The following ABHD2 variants were observed in gnomAD, a reference collection of about 807,000 sequenced individuals.
ABHD2 encodes the protein monoacylglycerol lipase ABHD2.
ABHD2 carries 20 observed loss-of-function variants against 48.1 expected under a neutral mutation model. The ratio of observed to expected loss-of-function variants is 0.42; its 90% CI spans 0.29 to 0.60. ABHD2 has a LOEUF of 0.60. ABHD2 is among the 20% of genes least tolerant of loss of function. The pLI is 0.24. For synonymous variants in ABHD2, 209 were observed against 214.2 expected (o/e 0.98, Z 0.21); for missense variants, 405 against 550.9 (o/e 0.74, Z 2.65).
the ABHD2 span, among the ~76,000 whole-genome samples, chr15:89,051,823 C>T: frequency 1.8e-4 from 27 of 152,260 alleles, no homozygotes; most frequent in East Asian, 1.5e-3. Flanking sequence ...ATAAATTACC[C>T]AGTCTCAGGT....
chr15:89,117,713 G>T (rs1471496030), intron 3 of ABHD2, among the ~76,000 whole-genome samples: 1 of 152,214 alleles, frequency 6.6e-6, no homozygotes, highest in African/African-American at 2.4e-5. Flanking sequence ...CCTGCATCCT[G>T]ATAGCACCTC....
chr15:89,096,682 T>C (rs768277681), intron 1 of ABHD2, among the ~76,000 whole-genome samples: 1 of 152,218 alleles, frequency 6.6e-6, no homozygotes, highest in Non-Finnish European at 1.5e-5. Context: ...GTTCGGACCC[T>C]GAAAGTGATA....
rs2049691964 is a variant in ABHD2 at position 89,100,934 on chromosome 15, G to A, written c.-107+12371G>A. Among the ~76,000 whole-genome samples the A allele has an allele frequency of 6.6e-6, 1 of 152,120 alleles. No individual in the cohort carries two copies. Among genetic ancestry groups the A allele is most frequent in the Non-Finnish European group, 1.5e-5 (1 of 68,026 alleles). The stretch of plus-strand genomic sequence containing the variant: ...AATCTAGGTTAAACTACAGTTAATG[G>A]TATTGAGTTTTATATTTTCTGGACC... On this transcript the variant is annotated intron_variant, in intron 1 of 10. Coordinates refer to ENST00000352732, the MANE Select transcript of ABHD2 (RefSeq NM_152924.5). This position sits in a 1 kb window ranked among gnomAD's most constrained non-coding sequence, Gnocchi z 4.4.
rs971081878 is a variant in ABHD2 at position 89,201,437 on chromosome 15, A to T, written c.*6014A>T. ...ATTTTCATTGGGGATCTCCATTTGG[A>T]ATCCATTAATTCATGAGGTTTTGCC... is the stretch of plus-strand genomic sequence containing the variant. On this transcript the variant is annotated 3_prime_UTR_variant, in exon 11 of 11. Transcript: ENST00000352732. 2 of 1,324,448 alleles carry T rather than the reference A, an allele frequency of 1.5e-6. No homozygotes were observed. Among genetic ancestry groups the T allele is most frequent in the Non-Finnish European group, 2.1e-6 (2 of 930,264 alleles). The allele number at this position is 1,324,448 out of a possible 1,614,324, so 82.0% of individuals were successfully genotyped here.
intron 1 of ABHD2, among the ~76,000 whole-genome samples, chr15:89,089,792 G>A (rs954159077): frequency 6.6e-6 from 1 of 152,264 alleles, no homozygotes. Flanking sequence ...TCAGGAGGCA[G>A]AGAAAGAATC....
Position 89,188,106 on chromosome 15 carries a change from C to T in ABHD2, c.816-87C>T. 1 of 1,172,212 alleles carries T rather than the reference C, an allele frequency of 8.5e-7. No homozygotes were observed. The highest frequency in any genetic ancestry group is 1.8e-5 in the Admixed American group (1 of 54,784). 72.6% of individuals were successfully genotyped at this position (1,172,212 alleles called of 1,614,324 possible). A position where few individuals can be genotyped will look rare whatever the true frequency, so the allele number is the denominator to read the frequency against. ...TAACTGACCACGTTGGCTCTCCCTC[C>T]TGGCTTGCTGTGGCAAGGAAGCAGG... On this transcript the variant is annotated intron_variant, in intron 7 of 10. Coordinates refer to ENST00000352732, the MANE Select transcript of ABHD2 (RefSeq NM_152924.5). This position sits in a 1 kb window ranked among gnomAD's most constrained non-coding sequence, Gnocchi z 4.1.
the ABHD2 span, among the ~76,000 whole-genome samples, chr15:89,050,480 T>G: frequency 1.3e-5 from 2 of 152,230 alleles, no homozygotes; most frequent in Non-Finnish European, 2.9e-5. Flanking sequence ...CCCCCCAGTT[T>G]AGCAGACTAG....
At chr15:89,064,302 C>G in the ABHD2 span, among the ~76,000 whole-genome samples, 30 of 149,590 alleles carry the variant, frequency 2.0e-4, no homozygotes, top group South Asian at 5.3e-3. Flanking sequence ...TCACTGCAAC[C>G]TCTGCCTCCC....
In ABHD2 at chr15:89,114,729, C is replaced by G. The variant is rs538906682; in HGVS notation, c.-7+905C>G. Reference sequence around the variant, plus strand: ...GAACTCCTGAGCTCAAGTGATCCACCCACTTTGGCCTCCCAAAGTGCATGA... The same window carrying G: ...GAACTCCTGAGCTCAAGTGATCCACGCACTTTGGCCTCCCAAAGTGCATGA... On this transcript the variant is annotated intron_variant, in intron 2 of 10. Transcript: ENST00000352732. This position sits in a 1 kb window ranked among gnomAD's most constrained non-coding sequence, Gnocchi z 4.2. Among the ~76,000 whole-genome samples the G allele has an allele frequency of 2.4e-4, 36 of 152,246 alleles. No individual in the cohort carries two copies. Among genetic ancestry groups the G allele is most frequent in the Non-Finnish European group, 3.4e-4 (23 of 68,024 alleles).
At chr15:89,078,514 T>C in the ABHD2 span, among the ~76,000 whole-genome samples, 4 of 152,216 alleles carry the variant, frequency 2.6e-5, no homozygotes, top group Non-Finnish European at 5.9e-5. Context: ...CAAATGGCGC[T>C]ATTATGAACG....
the ABHD2 span, among the ~76,000 whole-genome samples, chr15:89,070,718 G>C: frequency 6.6e-6 from 1 of 152,100 alleles, no homozygotes; most frequent in Non-Finnish European, 1.5e-5. Context: ...TGAGGGAGTG[G>C]GCAAGCCTCT....
intron 3 of ABHD2, among the ~76,000 whole-genome samples, chr15:89,148,575 G>C (rs886392874): frequency 6.6e-6 from 1 of 152,228 alleles, no homozygotes. Flanking sequence ...ATACCTCTCA[G>C]TTCCATCACA....
At chr15:89,157,658 A>G (rs959984234) in intron 5 of ABHD2, among the ~76,000 whole-genome samples, 6 of 152,140 alleles carry the variant, frequency 3.9e-5, no homozygotes, top group African/African-American at 7.2e-5. Flanking sequence ...CCTGGCTAAC[A>G]TGGTGAAACC....
chr15:89,184,637 T>G lies in ABHD2; in HGVS notation c.723-787T>G, dbSNP rs2051174815. Among the ~76,000 whole-genome samples the G allele has an allele frequency of 1.3e-5, 2 of 152,174 alleles. No homozygotes were observed. The highest frequency in any genetic ancestry group is 4.8e-5 in the African/African-American group (2 of 41,450). On this transcript the variant is annotated intron_variant, in intron 6 of 10. Coordinates refer to ENST00000352732, the MANE Select transcript of ABHD2 (RefSeq NM_152924.5). This position sits in a 1 kb window ranked among gnomAD's most constrained non-coding sequence, Gnocchi z 5.1. ...ATGGACATCTGGCTGGGGAAGCACA[T>G]GGCCAGGGCTGGTGGTGCTGTCTCC...
chr15:89,107,913 T>C (rs2049812362), intron 1 of ABHD2, among the ~76,000 whole-genome samples: 2 of 152,180 alleles, frequency 1.3e-5, no homozygotes, highest in Non-Finnish European at 2.9e-5. Context: ...TCTCTCACTT[T>C]GCTGATAGCT....
the ABHD2 span, among the ~76,000 whole-genome samples, chr15:89,080,979 C>T: frequency 4.4e-5 from 6 of 136,018 alleles, no homozygotes; most frequent in Non-Finnish European, 9.2e-5. Flanking sequence ...CAGCATGTGT[C>T]AGAATTGTCA....
intron 3 of ABHD2, among the ~76,000 whole-genome samples, chr15:89,117,551 C>G (rs1178594358): frequency 3.3e-5 from 5 of 152,222 alleles, no homozygotes; most frequent in African/African-American, 9.6e-5. Context: ...TTTTGTCATG[C>G]TGCTTCACTC....
chr15:89,181,063 T>G (rs1215722015), intron 6 of ABHD2, among the ~76,000 whole-genome samples: 1 of 151,698 alleles, frequency 6.6e-6, no homozygotes, highest in African/African-American at 2.4e-5. Context: ...CCACCTCTAC[T>G]AGAAATACAA....
upstream of ABHD2, among the ~76,000 whole-genome samples, chr15:89,084,712 G>A (rs567201365): frequency 5.9e-5 from 9 of 152,314 alleles, no homozygotes; most frequent in East Asian, 1.3e-3. This position sits in a 1 kb window ranked among gnomAD's most constrained non-coding sequence, Gnocchi z 4.4. Flanking sequence ...TTAGAGGAAG[G>A]TTCTGAAATG....
Sources: allele counts gnomAD v4.1 joint callset (sites outside exome capture counted in the v4.1 genomes callset), GRCh38; gene constraint gnomAD v4.1.1; non-coding constraint Gnocchi (gnomAD v3.1); transcripts MANE v1.5; gene names NCBI Gene and HGNC (gene_info 2026-07-23, HGNC 2026-07-21).